ABCA12: variants seen among roughly 807,000 people sequenced by gnomAD.
The protein encoded by ABCA12 is ATP binding cassette subfamily A member 12.
A neutral mutation model predicts 293.5 loss-of-function variants in ABCA12; 156 were observed. That is an observed-to-expected ratio of 0.53 (90% confidence interval 0.47 to 0.61). The LOEUF (loss-of-function observed/expected upper bound fraction) is 0.61, where lower values mean the gene tolerates loss of function less well. Ranked by LOEUF, ABCA12 falls within the 20% of genes least tolerant of loss-of-function variation. The pLI, the probability that ABCA12 is intolerant of heterozygous loss-of-function variation, is 0.00. For missense variants in ABCA12, 2,797 were observed against 3,090.2 expected (o/e 0.91, Z 2.25); for synonymous variants, 1,063 against 1,108.0 (o/e 0.96, Z 0.81).
Position 214,953,889 on chromosome 2 carries a change from T to A in ABCA12, c.6612A>T (p.Arg2204=). ...VSQGTMFFSL[R]LLINESLIKK... is the part of the protein sequence containing the mutation. ...TTATCAGGGATTCGTTGATTAAGAG[T>A]CGCAAGGAAAAAAACATGGTGCCCT... Residue 2204 remains arginine, a synonymous_variant, in exon 44 of 53, where the codon CGA becomes CGT. Transcript: ENST00000272895. The A allele has an allele frequency of 6.2e-7, 1 of 1,613,870 alleles. No individual in the cohort carries two copies. The highest frequency in any genetic ancestry group is 8.5e-7 in the Non-Finnish European group (1 of 1,179,922).
In ABCA12 at chr2:214,937,189, GTTTGTT is replaced by G. The variant is rs200203396; in HGVS notation, c.7542+315_7542+320del. ...TAATCACTTACATTGTTGGTTTTTT[GTTTGTT>G]TTTGTTTTTGTTTTTGTTTTTTAGA... On this transcript the variant is annotated intron_variant, in intron 51 of 52. Coordinates refer to ENST00000272895, the MANE Select transcript of ABCA12 (RefSeq NM_173076.3). Among the ~76,000 whole-genome samples the G allele has an allele frequency of 8.4e-3, 1,272 of 151,880 alleles. 20 individuals are homozygous for G. Among genetic ancestry groups the G allele is most frequent in the African/African-American group, 0.027 (1,137 of 41,450 alleles).
intron 39 of ABCA12, among the ~76,000 whole-genome samples, chr2:214,964,161 A>T (rs1017134266): frequency 1.3e-5 from 2 of 152,186 alleles, no homozygotes; most frequent in African/African-American, 4.8e-5. Context: ...GACGCGGATA[A>T]GGCATTTGAT....
In ABCA12 at chr2:215,104,565, T is replaced by A. The variant is rs143426600; in HGVS notation, c.163+7032A>T. On this transcript the variant is annotated intron_variant, in intron 2 of 52. Coordinates refer to ENST00000272895, the MANE Select transcript of ABCA12 (RefSeq NM_173076.3). ...TGGAGGAAACAGGGTCCCAATCAAA[T>A]CCCAATTTCAGTTTCTATGGCTTCC... Among the ~76,000 whole-genome samples, 358 of 152,224 alleles carry A rather than the reference T, an allele frequency of 2.4e-3. 1 individual carries two copies. The highest frequency in any genetic ancestry group is 8.3e-3 in the African/African-American group (343 of 41,526).
At chr2:214,972,398 TTTTTAATTTA>T (rs1699405196) in intron 36 of ABCA12, among the ~76,000 whole-genome samples, 1 of 152,146 alleles carries the variant, frequency 6.6e-6, no homozygotes, top group South Asian at 2.1e-4. Flanking sequence ...ATCTACTGGA[TTTTTAATTTA>T]TTTTAATTTA....
chr2:215,116,477 A>G (rs1702688840), intron 1 of ABCA12, among the ~76,000 whole-genome samples: 1 of 152,204 alleles, frequency 6.6e-6, no homozygotes, highest in South Asian at 2.1e-4. Context: ...AGGGTGATGG[A>G]TTTACTGCAA....
chr2:215,049,618 A>G lies in ABCA12; in HGVS notation c.693+8T>C, dbSNP rs542193860. On this transcript the variant is annotated splice_region_variant and intron_variant, in intron 6 of 52. Coordinates refer to ENST00000272895, the MANE Select transcript of ABCA12 (RefSeq NM_173076.3). ...GAGTCACTTTGTGGATCAAAGATCTACACTCACCTGGGAGAACTGTTTGTT... is the reference window on the plus strand; with the variant it reads ...GAGTCACTTTGTGGATCAAAGATCTGCACTCACCTGGGAGAACTGTTTGTT... The G allele has an allele frequency of 3.2e-5, 52 of 1,612,424 alleles. No homozygotes were observed. In the East Asian group the frequency reaches 1.2e-3, roughly 36 times the overall value.
chr2:215,085,565 A>G (rs1020804892), intron 2 of ABCA12: 8 of 152,234 alleles, frequency 5.3e-5, no homozygotes, highest in Admixed American at 2.6e-4. Context: ...TCTCAATTTT[A>G]TAATGGGATT....
intron 44 of ABCA12, among the ~76,000 whole-genome samples, chr2:214,951,372 T>C (rs1698764529): frequency 6.6e-6 from 1 of 152,320 alleles, no homozygotes; most frequent in African/African-American, 2.4e-5. Flanking sequence ...AGTAAGTATA[T>C]GTTTGAAGGT....
intron 19 of ABCA12, 115 bp downstream of exon 19, chr2:215,007,612 C>A: frequency 7.4e-7 from 1 of 1,354,074 alleles, no homozygotes; most frequent in Non-Finnish European, 1.0e-6. Flanking sequence ...GGAAGAGAGG[C>A]AATTTAATCT....
intron 32 of ABCA12, 79 bp from the exon 33 acceptor site, chr2:214,978,545 G>T: frequency 6.5e-7 from 1 of 1,533,572 alleles, no homozygotes; most frequent in South Asian, 1.2e-5. Flanking sequence ...CTTTGATTTT[G>T]AACTTTTATC....
At chr2:215,049,460 A>G (rs1359263334) in intron 6 of ABCA12, among the ~76,000 whole-genome samples, 166 bp downstream of exon 6, 1 of 152,200 alleles carries the variant, frequency 6.6e-6, no homozygotes, top group Non-Finnish European at 1.5e-5. Context: ...TTCACATTAA[A>G]TAAGTAATAC....
At chr2:215,113,802 C>T (rs1702625993) in intron 1 of ABCA12, among the ~76,000 whole-genome samples, 1 of 152,142 alleles carries the variant, frequency 6.6e-6, no homozygotes, top group African/African-American at 2.4e-5. Context: ...ATTAGAAGAA[C>T]CTGTGACTTT....
chr2:214,991,632 G>T (rs374436013), intron 23 of ABCA12, among the ~76,000 whole-genome samples: 1 of 152,054 alleles, frequency 6.6e-6, no homozygotes, highest in Non-Finnish European at 1.5e-5. Context: ...ACACTTACTG[G>T]CAGTCTAGGT....
chr2:215,008,127 C>A (rs71428358), intron 18 of ABCA12, among the ~76,000 whole-genome samples: 127 of 152,200 alleles, frequency 8.3e-4, no homozygotes, highest in Non-Finnish European at 1.3e-3. Flanking sequence ...GAGTTCTTAC[C>A]AGTTTTTCAT....
At chr2:215,119,322 A>G (rs1334409731) in intron 1 of ABCA12, among the ~76,000 whole-genome samples, 2 of 152,280 alleles carry the variant, frequency 1.3e-5, no homozygotes, top group East Asian at 3.9e-4. Context: ...GGTCCCATTT[A>G]TTAATTTTTA....
At chr2:215,078,563 G>A (rs1701877499) in intron 2 of ABCA12, among the ~76,000 whole-genome samples, 1 of 152,080 alleles carries the variant, frequency 6.6e-6, no homozygotes, top group Non-Finnish European at 1.5e-5. Context: ...TTATTCCTGT[G>A]TAGATATTGA....
chr2:215,092,837 C>G (rs1026514846), intron 2 of ABCA12, among the ~76,000 whole-genome samples: 3 of 152,286 alleles, frequency 2.0e-5, no homozygotes, highest in Non-Finnish European at 2.9e-5. Flanking sequence ...GGATCTCAAA[C>G]ATGCTTCCTT....
chr2:215,116,544 C>A (rs1221137665), intron 1 of ABCA12, among the ~76,000 whole-genome samples: 1 of 152,002 alleles, frequency 6.6e-6, no homozygotes, highest in South Asian at 2.1e-4. Flanking sequence ...CAGCCTGTGG[C>A]TGTATTTAAA....
chr2:215,025,149 AAT>A (rs1396197838), intron 11 of ABCA12, among the ~76,000 whole-genome samples: 1 of 152,064 alleles, frequency 6.6e-6, no homozygotes, highest in Non-Finnish European at 1.5e-5. Context: ...TCCTTTTTCA[AAT>A]CTCTTTCAAA....
Sources: gnomAD v4.1 joint callset for allele counts (sites outside exome capture counted in the v4.1 genomes callset) on GRCh38, gnomAD v4.1.1 for gene constraint, MANE v1.5 for transcripts, NCBI Gene and HGNC (gene_info 2026-07-23, HGNC 2026-07-21) for gene names.